SDK1: variants seen among roughly 807,000 people sequenced by gnomAD.
SDK1 encodes protein sidekick-1.
A neutral mutation model predicts 245.5 loss-of-function variants in SDK1; 157 were observed. The observed-to-expected ratio is 0.64, with a 90% CI of 0.56 to 0.73. SDK1 has a LOEUF of 0.73. Ranked by LOEUF, SDK1 falls within the 30% of genes least tolerant of loss-of-function variation. The pLI is 0.00. For synonymous variants in SDK1, 1,647 were observed against 1,278.5 expected (o/e 1.29, Z -6.15); for missense variants, 3,583 against 3,002.3 (o/e 1.19, Z -4.52).
At chr7:3,906,865 G>C (rs186274225) in intron 5 of SDK1, among the ~76,000 whole-genome samples, 1 of 151,928 alleles carries the variant, frequency 6.6e-6, no homozygotes, top group Admixed American at 6.6e-5. Context: ...CCTGAGCTCA[G>C]GCAATCCGCC....
At chr7:3,979,732 A>C (rs1783247042) in intron 13 of SDK1, among the ~76,000 whole-genome samples, 1 of 152,204 alleles carries the variant, frequency 6.6e-6, no homozygotes, top group African/African-American at 2.4e-5. Flanking sequence ...CTAGTTTTCT[A>C]GTGCCATGGG....
rs181983371 is a variant in SDK1 at position 3,571,320 on chromosome 7, G to T, written c.299-47760G>T. The stretch of plus-strand genomic sequence containing the variant: ...GCTTTTTAATTTTTAATTTTTTTTT[G>T]AGATGGGGATCTTACATTGTCACGC... On this transcript the variant is annotated intron_variant, in intron 1 of 44. Transcript: ENST00000404826. Among the ~76,000 whole-genome samples the T allele has an allele frequency of 2.5e-3, 375 of 150,536 alleles. 8 individuals carry two copies. The highest frequency in any genetic ancestry group is 0.018 in the South Asian group (87 of 4,770).
At chr7:3,469,258 A>G (rs755386806) in intron 1 of SDK1, among the ~76,000 whole-genome samples, 1 of 152,116 alleles carries the variant, frequency 6.6e-6, no homozygotes, top group African/African-American at 2.4e-5. Flanking sequence ...CCCTTTCTCT[A>G]CAAAAAATAA....
intron 1 of SDK1, among the ~76,000 whole-genome samples, chr7:3,605,532 A>G (rs935034864): frequency 6.6e-6 from 1 of 152,210 alleles, no homozygotes; most frequent in Non-Finnish European, 1.5e-5. Context: ...TTGATGGTTT[A>G]AAATGATGCA....
At chr7:3,457,002 A>G (rs117265708) in intron 1 of SDK1, among the ~76,000 whole-genome samples, 2,421 of 152,236 alleles carry the variant, frequency 0.016, 30 homozygotes, top group Middle Eastern at 0.034. Context: ...GTGCCTCTCA[A>G]GGGTGCACAA....
rs150713644 is a variant in SDK1, at chr7:3,987,023, C to G, written c.1995-163C>G. Among the ~76,000 whole-genome samples the G allele has an allele frequency of 1.8e-3, 281 of 152,212 alleles. 1 individual carries two copies. The highest frequency in any genetic ancestry group is 6.0e-3 in the African/African-American group (251 of 41,524). ...AATAATGAAGCTGGGTTTTGTGTGTCCTTTTCTGGGGGGAAGAGAGTTAAT... is the reference window on the plus strand; with the variant it reads ...AATAATGAAGCTGGGTTTTGTGTGTGCTTTTCTGGGGGGAAGAGAGTTAAT... On this transcript the variant is annotated intron_variant, in intron 13 of 44. Transcript: ENST00000404826.
At chr7:3,491,020 C>T (rs1202914260) in intron 1 of SDK1, among the ~76,000 whole-genome samples, 1 of 152,188 alleles carries the variant, frequency 6.6e-6, no homozygotes, top group Admixed American at 6.5e-5. Context: ...GTGCCATGTG[C>T]CCTGTGCACA....
chr7:3,351,092 G>C (rs1780648501), intron 1 of SDK1, among the ~76,000 whole-genome samples: 1 of 152,080 alleles, frequency 6.6e-6, no homozygotes, highest in African/African-American at 2.4e-5. Context: ...AAAACAGCTT[G>C]GTTACTGACT....
intron 5 of SDK1, among the ~76,000 whole-genome samples, chr7:3,946,045 G>C (rs1250623218): frequency 3.4e-5 from 5 of 149,074 alleles, no homozygotes; most frequent in Non-Finnish European, 7.4e-5. Flanking sequence ...AAGAGCCCTA[G>C]AAAGAAAAAC....
At chr7:3,887,123 A>G (rs1292578625) in intron 5 of SDK1, among the ~76,000 whole-genome samples, 1 of 152,128 alleles carries the variant, frequency 6.6e-6, no homozygotes, top group Non-Finnish European at 1.5e-5. Flanking sequence ...GCCTGGGTTC[A>G]TTTCTCACCT....
chr7:4,211,047 C>T (rs1784485270), intron 38 of SDK1, among the ~76,000 whole-genome samples: 1 of 152,116 alleles, frequency 6.6e-6, no homozygotes, highest in Non-Finnish European at 1.5e-5. Flanking sequence ...GCAGGCACTG[C>T]AGGCCACAGC....
chr7:4,027,796 C>T (rs1295183631), intron 17 of SDK1, among the ~76,000 whole-genome samples: 2 of 152,064 alleles, frequency 1.3e-5, no homozygotes, highest in Admixed American at 1.3e-4. Flanking sequence ...GGGAAAATAC[C>T]TGCTGGACGT....
At chr7:4,102,934 T>C (rs1382261382) in intron 22 of SDK1, among the ~76,000 whole-genome samples, 13 of 147,552 alleles carry the variant, frequency 8.8e-5, no homozygotes, top group Non-Finnish European at 1.9e-4. Flanking sequence ...AAAGTACTGT[T>C]TATTAGCCTT....
intron 1 of SDK1, among the ~76,000 whole-genome samples, chr7:3,500,385 A>AT (rs1782159356): frequency 6.6e-6 from 1 of 151,782 alleles, no homozygotes; most frequent in African/African-American, 2.4e-5. Flanking sequence ...AAATGTAGAC[A>AT]TTTTTTCTAC....
chr7:3,703,045 T>C (rs1042383083), intron 4 of SDK1, among the ~76,000 whole-genome samples: 12 of 130,320 alleles, frequency 9.2e-5, no homozygotes, highest in Non-Finnish European at 1.1e-4. Flanking sequence ...AAAAAGTAAA[T>C]GCGAGACTCT....
At chr7:4,006,701 G>A (rs1345080209) in intron 14 of SDK1, among the ~76,000 whole-genome samples, 1 of 152,144 alleles carries the variant, frequency 6.6e-6, no homozygotes, top group African/African-American at 2.4e-5. Context: ...ATTTTCTAGT[G>A]AAAGAGGAAA....
intron 5 of SDK1, among the ~76,000 whole-genome samples, chr7:3,842,962 G>A (rs1192828250): frequency 6.6e-6 from 1 of 152,078 alleles, no homozygotes; most frequent in African/African-American, 2.4e-5. Flanking sequence ...AGAAGACGGT[G>A]GCTCAACGCA....
intron 44 of SDK1, among the ~76,000 whole-genome samples, chr7:4,261,558 C>G (rs13247068): frequency 6.6e-6 from 1 of 152,078 alleles, no homozygotes; most frequent in Admixed American, 6.5e-5. Context: ...GGCGCAGCTC[C>G]TAGCCTGGCC....
At chr7:4,248,075 T>G (rs901872275) in intron 44 of SDK1, among the ~76,000 whole-genome samples, 1 of 152,148 alleles carries the variant, frequency 6.6e-6, no homozygotes, top group African/African-American at 2.4e-5. Flanking sequence ...TGTTTGGAGA[T>G]TTAACATCGG....
Sources: allele counts gnomAD v4.1 joint callset (sites outside exome capture counted in the v4.1 genomes callset), GRCh38; gene constraint gnomAD v4.1.1; transcripts MANE v1.5; gene names NCBI Gene and HGNC (gene_info 2026-07-23, HGNC 2026-07-21).